CCSER1: variants seen among roughly 807,000 people sequenced by gnomAD.
The protein encoded by CCSER1 is coiled-coil serine rich protein 1, also known as serine-rich coiled-coil domain-containing protein 1.
CCSER1 carries 41 observed loss-of-function variants against 82.0 expected under a neutral mutation model. The ratio of observed to expected loss-of-function variants is 0.50; its 90% CI spans 0.39 to 0.65. The LOEUF (loss-of-function observed/expected upper bound fraction) is 0.65, where lower values mean the gene tolerates loss of function less well. CCSER1 is among the 30% of genes least tolerant of loss of function. The pLI is 0.00. For missense variants in CCSER1, 1,119 were observed against 1,064.2 expected (o/e 1.05, Z -0.72); for synonymous variants, 414 against 383.9 (o/e 1.08, Z -0.92).
intron 9 of CCSER1, among the ~76,000 whole-genome samples, chr4:91,043,630 C>T (rs943096237): frequency 8.5e-6 from 1 of 117,478 alleles, no homozygotes; most frequent in Non-Finnish European, 1.6e-5. Context: ...TGCTGTGTCT[C>T]TGGAGGCTGG....
At chr4:90,230,193 T>A (rs1744172027) in intron 1 of CCSER1, among the ~76,000 whole-genome samples, 1 of 152,024 alleles carries the variant, frequency 6.6e-6, no homozygotes, top group Non-Finnish European at 1.5e-5. Flanking sequence ...ACACCACACC[T>A]ATTCCAAAAT....
At chr4:91,472,167 C>T (rs1757318104) in intron 10 of CCSER1, among the ~76,000 whole-genome samples, 1 of 151,978 alleles carries the variant, frequency 6.6e-6, no homozygotes, top group African/African-American at 2.4e-5. Context: ...TGTACTTTAT[C>T]AATTTGTGAC....
intron 10 of CCSER1, among the ~76,000 whole-genome samples, chr4:91,214,895 G>T (rs1375219793): frequency 1.3e-5 from 2 of 151,954 alleles, no homozygotes; most frequent in Non-Finnish European, 2.9e-5. Context: ...TCAGTTAACT[G>T]GAACTCCATA....
chr4:90,370,825 A>G (rs1747271794), intron 3 of CCSER1, among the ~76,000 whole-genome samples: 2 of 151,970 alleles, frequency 1.3e-5, no homozygotes, highest in Non-Finnish European at 2.9e-5. Flanking sequence ...TTTTATTGTT[A>G]TTTTTATTAC....
chr4:90,256,426 G>A (rs536147553), intron 1 of CCSER1, among the ~76,000 whole-genome samples: 1 of 152,046 alleles, frequency 6.6e-6, no homozygotes, highest in Non-Finnish European at 1.5e-5. Flanking sequence ...ACTTCAAATC[G>A]GAGAAACTAA....
chr4:90,532,383 C>A (rs1276329930), intron 5 of CCSER1, among the ~76,000 whole-genome samples: 1 of 151,928 alleles, frequency 6.6e-6, no homozygotes, highest in Non-Finnish European at 1.5e-5. Flanking sequence ...TTCTGTGATT[C>A]CATATTTTCC....
chr4:91,479,414 A>C (rs1757769179), intron 10 of CCSER1, among the ~76,000 whole-genome samples: 1 of 151,804 alleles, frequency 6.6e-6, no homozygotes, highest in South Asian at 2.1e-4. Context: ...TTTTGAAAAT[A>C]ATATTAATGA....
chr4:91,089,176 T>C (rs1487133651), intron 10 of CCSER1, among the ~76,000 whole-genome samples: 1 of 152,202 alleles, frequency 6.6e-6, no homozygotes, highest in African/African-American at 2.4e-5. Flanking sequence ...AGGGCCGTGA[T>C]TGATTGAACA....
intron 3 of CCSER1, among the ~76,000 whole-genome samples, chr4:90,348,132 G>C (rs1579313932): frequency 6.6e-6 from 1 of 152,122 alleles, no homozygotes; most frequent in East Asian, 1.9e-4. Context: ...GAGGGTGGGA[G>C]GAGGGAGAAG....
intron 10 of CCSER1, among the ~76,000 whole-genome samples, chr4:91,357,882 C>CA (rs987392052): frequency 2.7e-5 from 2 of 72,802 alleles, no homozygotes; most frequent in East Asian, 1.2e-3. Context: ...GCCTGCCCCC[C>CA]CCCCCTTTTT....
intron 10 of CCSER1, among the ~76,000 whole-genome samples, chr4:91,452,026 G>A (rs1031582650): frequency 2.6e-5 from 4 of 151,918 alleles, no homozygotes; most frequent in African/African-American, 9.7e-5. Flanking sequence ...ATCAGAACAT[G>A]CTCTATATAC....
chr4:90,201,822 G>A (rs1446372046), intron 1 of CCSER1, among the ~76,000 whole-genome samples: 1 of 136,254 alleles, frequency 7.3e-6, no homozygotes, highest in Non-Finnish European at 1.6e-5. Flanking sequence ...TGGAGGGCAG[G>A]AGTTTATAAT....
At chr4:90,546,409 G>C (rs879306256) in intron 5 of CCSER1, among the ~76,000 whole-genome samples, 2 of 152,122 alleles carry the variant, frequency 1.3e-5, no homozygotes, top group Admixed American at 6.6e-5. Flanking sequence ...ATTGTGTGCA[G>C]TTGATATTTC....
chr4:90,168,283 G>T (rs903328036), intron 1 of CCSER1, among the ~76,000 whole-genome samples: 1 of 152,086 alleles, frequency 6.6e-6, no homozygotes. Flanking sequence ...CTTTTGAGAA[G>T]TGTCTGTTCA....
chr4:90,464,575 G>A (rs1023727691), intron 4 of CCSER1, among the ~76,000 whole-genome samples: 2 of 152,160 alleles, frequency 1.3e-5, no homozygotes, highest in South Asian at 2.1e-4. Context: ...AGCCTAAGAC[G>A]GAATATTCTG....
chr4:90,799,123 A>T (rs2149691824), intron 7 of CCSER1, among the ~76,000 whole-genome samples: 1 of 152,124 alleles, frequency 6.6e-6, no homozygotes, highest in African/African-American at 2.4e-5. Context: ...AACTGTGTGT[A>T]TGGTCACACT....
intron 7 of CCSER1, among the ~76,000 whole-genome samples, chr4:90,789,047 ACTATT>A (rs1754899166): frequency 6.6e-5 from 10 of 152,012 alleles, no homozygotes; most frequent in Non-Finnish European, 1.0e-4. Context: ...CTTGTTAACA[ACTATT>A]CTGTTCACAA....
At chr4:90,477,756 T>C (rs1442337937) in intron 5 of CCSER1, among the ~76,000 whole-genome samples, 2 of 152,120 alleles carry the variant, frequency 1.3e-5, no homozygotes, top group African/African-American at 4.8e-5. Context: ...ACCTGAGAAT[T>C]GGTTAATTTT....
chr4:90,391,581 A>G (rs1300623854), intron 3 of CCSER1, among the ~76,000 whole-genome samples: 1 of 146,750 alleles, frequency 6.8e-6, no homozygotes, highest in African/African-American at 2.5e-5. Context: ...ATCAATAGTA[A>G]TAATAGCCAT....
Sources: gnomAD v4.1 joint callset for allele counts (sites outside exome capture counted in the v4.1 genomes callset) on GRCh38, gnomAD v4.1.1 for gene constraint, MANE v1.5 for transcripts, NCBI Gene and HGNC (gene_info 2026-07-23, HGNC 2026-07-21) for gene names.